DOCK3: variants seen among roughly 807,000 people sequenced by gnomAD.
DOCK3 encodes dedicator of cytokinesis 3, also known as dedicator of cytokinesis protein 3.
A neutral mutation model predicts 265.6 loss-of-function variants in DOCK3; 60 were observed. The observed-to-expected ratio is 0.23, with a 90% confidence interval of 0.18 to 0.28. DOCK3 has a LOEUF of 0.28. DOCK3 is among the 10% of genes least tolerant of loss of function. DOCK3 has a pLI of 1.00. For missense variants in DOCK3, 1,981 were observed against 2,594.3 expected, an observed-to-expected ratio of 0.76 and a Z score of 5.14; for synonymous variants, 881 against 938.0, an observed-to-expected ratio of 0.94 and a Z score of 1.11.
intron 1 of DOCK3, among the ~76,000 whole-genome samples, chr3:50,715,272 G>A (rs2037030755): frequency 6.6e-6 from 1 of 152,212 alleles, no homozygotes; most frequent in Admixed American, 6.5e-5. Flanking sequence ...GGTAGGCCAG[G>A]CGTGGTGGCG....
chr3:51,310,298 T>C lies in DOCK3; in HGVS notation c.2989T>C (p.Trp997Arg). Residue 997 changes from tryptophan to arginine, a missense_variant, in exon 28 of 53, where the codon TGG becomes CGG. By Grantham distance (101) the Trp-to-Arg change is moderately radical (BLOSUM62 -3). Transcript: ENST00000266037. ...GAAGATGAGTGTCTTCCCTCGGGAC[T>C]GGATGGTAATGAGACTGCTCACAAG... ...LMKMSVFPRD[W>R]MVMRLLTSNI... is the part of the protein sequence containing the mutation. 6.2e-7 allele frequency: 1 copy of C among 1,603,122 alleles called. No homozygotes were observed. Among genetic ancestry groups the C allele is most frequent in the Non-Finnish European group, 8.5e-7 (1 of 1,174,820 alleles).
At chr3:51,274,622 A>T (rs150573359) in intron 24 of DOCK3, among the ~76,000 whole-genome samples, 145 of 152,148 alleles carry the variant, frequency 9.5e-4, no homozygotes, top group Non-Finnish European at 1.7e-3. Flanking sequence ...ACAAAAAATT[A>T]AAAAATTATC....
At chr3:50,728,976 G>A (rs1407951511) in intron 1 of DOCK3, among the ~76,000 whole-genome samples, 72 of 145,818 alleles carry the variant, frequency 4.9e-4, no homozygotes, top group African/African-American at 1.7e-3. Flanking sequence ...TGCCCGCCTC[G>A]GCCTCCCAAA....
chr3:51,330,047 T>C, intron 32 of DOCK3, 91 bp from the exon 33 acceptor site: 1 of 1,287,184 alleles, frequency 7.8e-7, no homozygotes, highest in Non-Finnish European at 1.1e-6. Flanking sequence ...CAGGAAGTAG[T>C]TTCCCACCAT....
At chr3:51,216,236 T>G (rs2089780425) in intron 14 of DOCK3, among the ~76,000 whole-genome samples, 1 of 152,220 alleles carries the variant, frequency 6.6e-6, no homozygotes, top group African/African-American at 2.4e-5. Flanking sequence ...AAAATGTATT[T>G]AAGCAAAATT....
chr3:51,203,259 C>T (rs2088937866), intron 12 of DOCK3, among the ~76,000 whole-genome samples: 3 of 152,064 alleles, frequency 2.0e-5, no homozygotes, highest in Non-Finnish European at 1.5e-5. Context: ...GATTGTATAT[C>T]TAGAAAACCC....
At chr3:51,339,944 A>G (rs2085130909) in intron 37 of DOCK3, among the ~76,000 whole-genome samples, 1 of 152,156 alleles carries the variant, frequency 6.6e-6, no homozygotes, top group South Asian at 2.1e-4. Flanking sequence ...TTTGGCATAG[A>G]TGGTATCTTA....
intron 12 of DOCK3, among the ~76,000 whole-genome samples, chr3:51,167,689 T>C (rs1284201467): frequency 6.6e-6 from 1 of 152,200 alleles, no homozygotes; most frequent in Non-Finnish European, 1.5e-5. Context: ...TATTCCTAAA[T>C]ATTATATATT....
In DOCK3 at chr3:50,926,279, A is replaced by G. The variant is rs1309500187; in HGVS notation, c.219-7702A>G. On this transcript the variant is annotated intron_variant, in intron 4 of 52. Coordinates refer to ENST00000266037, the MANE Select transcript of DOCK3 (RefSeq NM_004947.5). Reference sequence around the variant, plus strand: ...CATTCTACATCTGCTAGATTTGTTAACTCTTAGTTAAAGGGAGAATCAGTA... The same window carrying G: ...CATTCTACATCTGCTAGATTTGTTAGCTCTTAGTTAAAGGGAGAATCAGTA... Among the ~76,000 whole-genome samples, 4 of 152,072 alleles carry G rather than the reference A, an allele frequency of 2.6e-5. No individual in the cohort carries two copies. In the East Asian group the frequency reaches 5.8e-4, roughly 22 times the overall value.
intron 1 of DOCK3, among the ~76,000 whole-genome samples, chr3:50,766,163 T>A (rs1335431429): frequency 6.6e-6 from 1 of 152,152 alleles, no homozygotes; most frequent in African/African-American, 2.4e-5. Flanking sequence ...AGGGTACATG[T>A]GCACAACGTG....
chr3:50,758,806 A>G (rs1377017242), intron 1 of DOCK3, among the ~76,000 whole-genome samples: 1 of 152,210 alleles, frequency 6.6e-6, no homozygotes, highest in Non-Finnish European at 1.5e-5. Context: ...TTATTGTAAG[A>G]TTGAAAAATC....
intron 5 of DOCK3, among the ~76,000 whole-genome samples, chr3:50,959,527 A>G (rs1241763296): frequency 7.0e-6 from 1 of 141,940 alleles, no homozygotes; most frequent in Non-Finnish European, 1.5e-5. Context: ...TACTCTTTTT[A>G]TGTTGTGTGT....
chr3:50,792,631 G>A (rs1267553908), intron 2 of DOCK3, among the ~76,000 whole-genome samples: 1 of 152,112 alleles, frequency 6.6e-6, no homozygotes, highest in Admixed American at 6.6e-5. Flanking sequence ...CTTATTGAGA[G>A]TTTTTAACAT....
At chr3:50,935,451 A>G (rs183813962) in intron 5 of DOCK3, among the ~76,000 whole-genome samples, 146 of 152,312 alleles carry the variant, frequency 9.6e-4, no homozygotes, top group African/African-American at 3.3e-3. Flanking sequence ...CCCCTACCCT[A>G]TAGTAATGAA....
intron 2 of DOCK3, among the ~76,000 whole-genome samples, chr3:50,828,432 TCTCA>T (rs1188465913): frequency 6.6e-6 from 1 of 152,152 alleles, no homozygotes; most frequent in Non-Finnish European, 1.5e-5. Flanking sequence ...TGAGACAAAG[TCTCA>T]CTATGTCACC....
intron 4 of DOCK3, among the ~76,000 whole-genome samples, chr3:50,918,134 C>T (rs909729898): frequency 1.3e-5 from 2 of 152,058 alleles, no homozygotes; most frequent in African/African-American, 2.4e-5. Context: ...GTATGTGTGC[C>T]ACATTTTCTT....
intron 3 of DOCK3, among the ~76,000 whole-genome samples, chr3:50,851,147 A>G (rs1016798581): frequency 3.9e-5 from 6 of 152,340 alleles, no homozygotes; most frequent in African/African-American, 1.4e-4. Flanking sequence ...AATTCTCTGC[A>G]CATGAATGGT....
chr3:50,710,237 G>A (rs2036669081), intron 1 of DOCK3, among the ~76,000 whole-genome samples: 1 of 152,138 alleles, frequency 6.6e-6, no homozygotes, highest in Non-Finnish European at 1.5e-5. Flanking sequence ...ACAACCCAGA[G>A]AATAGGAGAA....
intron 5 of DOCK3, among the ~76,000 whole-genome samples, chr3:51,031,906 C>G (rs541624952): frequency 6.6e-6 from 1 of 152,286 alleles, no homozygotes; most frequent in Admixed American, 6.5e-5. Flanking sequence ...AAGCAGAAAG[C>G]AGCCTTTATC....
Sources: gnomAD v4.1 joint callset for allele counts (sites outside exome capture counted in the v4.1 genomes callset) on GRCh38, gnomAD v4.1.1 for gene constraint, MANE v1.5 for transcripts, NCBI Gene and HGNC (gene_info 2026-07-23, HGNC 2026-07-21) for gene names.